Variants in ADAMTS9 observed in about 807,000 individuals in gnomAD.
The protein encoded by ADAMTS9 is ADAM metallopeptidase with thrombospondin type 1 motif 9, also known as A disintegrin and metalloproteinase with thrombospondin motifs 9.
Under a neutral mutation model 257.1 loss-of-function variants are expected in ADAMTS9, and 107 were observed. That is an observed-to-expected ratio of 0.42 (90% CI 0.36 to 0.49). The LOEUF is 0.49. Among genes scored for constraint, ADAMTS9 ranks in the 20% least tolerant of loss-of-function variants. ADAMTS9 has a pLI of 0.03. For synonymous variants in ADAMTS9, 982 were observed against 880.9 expected (o/e 1.11, Z -2.03); for missense variants, 2,353 against 2,469.1 (o/e 0.95, Z 1.00).
rs146730176 is a variant in ADAMTS9, at chr3:64,552,523, A to G, written c.4699-1461T>C. The stretch of plus-strand genomic sequence containing the variant: ...TACCCTGTTGGCAACGGGCTTATCT[A>G]ACAACTGTGATTTTTGTTGTGTGGT... On this transcript the variant is annotated intron_variant, in intron 30 of 39. Transcript: ENST00000498707. Among the ~76,000 whole-genome samples, 8 of 151,996 alleles carry G rather than the reference A, an allele frequency of 5.3e-5. No individual in the cohort carries two copies. The East Asian group carries it at 1.2e-3, about 22-fold the overall frequency.
chr3:64,565,202 A>G (rs1284290981), intron 29 of ADAMTS9, among the ~76,000 whole-genome samples: 1 of 152,242 alleles, frequency 6.6e-6, no homozygotes, highest in African/African-American at 2.4e-5. Context: ...CATTTGCCAC[A>G]TTTCTCCATT....
In ADAMTS9 at chr3:64,518,404, T is replaced by C. The variant is rs77975864; in HGVS notation, c.*6-1283A>G. On this transcript the variant is annotated intron_variant, in intron 39 of 39. Transcript: ENST00000498707. ...TGAGGGAAGATGCAGGTGGGTCACA[T>C]GAATTGGTTGAGCTCATTCCTTGCA... is the stretch of plus-strand genomic sequence containing the variant. 4.2e-3 allele frequency among the ~76,000 whole-genome samples: 634 copies of C among 152,266 alleles called. 27 individuals are homozygous for C. The East Asian group carries it at 0.094, about 23-fold the overall frequency.
At chr3:64,576,090 T>G (rs941674733) in intron 28 of ADAMTS9, among the ~76,000 whole-genome samples, 11 of 152,170 alleles carry the variant, frequency 7.2e-5, no homozygotes, top group African/African-American at 2.7e-4. Flanking sequence ...CGTTGAAGAT[T>G]CCTTCTGTAG....
chr3:64,658,188 T>C (rs535997573), intron 4 of ADAMTS9, among the ~76,000 whole-genome samples: 18 of 152,252 alleles, frequency 1.2e-4, no homozygotes, highest in Non-Finnish European at 2.1e-4. Flanking sequence ...ACCTAACTCC[T>C]CTGAGACTCA....
At chr3:64,681,155 C>G (rs780108050) in intron 3 of ADAMTS9, 46 bp downstream of exon 3, 7 of 1,578,434 alleles carry the variant, frequency 4.4e-6, no homozygotes, top group Non-Finnish European at 4.3e-6. Flanking sequence ...TAGCAATTTA[C>G]CCATCTCAAA....
At chr3:64,684,173 G>T (rs149686190) in intron 2 of ADAMTS9, among the ~76,000 whole-genome samples, 1,527 of 152,304 alleles carry the variant, frequency 0.01, 11 homozygotes, top group Middle Eastern at 0.027. Flanking sequence ...ATGTGGATGT[G>T]AGTGAGTGCA....
chr3:64,677,126 G>A (rs940138287), intron 3 of ADAMTS9, among the ~76,000 whole-genome samples: 5 of 152,132 alleles, frequency 3.3e-5, no homozygotes, highest in African/African-American at 1.2e-4. Flanking sequence ...GGCTCCCATA[G>A]GCCTTTTGCT....
At chr3:64,641,180 G>C (rs538566233) in intron 12 of ADAMTS9, among the ~76,000 whole-genome samples, 55 of 151,744 alleles carry the variant, frequency 3.6e-4, no homozygotes, top group African/African-American at 1.3e-3. Flanking sequence ...CTACAAACTG[G>C]ATGAAAATGT....
At chr3:64,545,611 A>C (rs555099214) in intron 32 of ADAMTS9, among the ~76,000 whole-genome samples, 273 of 152,168 alleles carry the variant, frequency 1.8e-3, no homozygotes, top group Non-Finnish European at 2.8e-3. Flanking sequence ...CCTGTCATGG[A>C]GTTGGGGGCA....
chr3:64,667,918 A>G (rs1013193471), intron 3 of ADAMTS9, among the ~76,000 whole-genome samples: 6 of 152,356 alleles, frequency 3.9e-5, no homozygotes, highest in South Asian at 4.1e-4. Context: ...TAAAGTATCT[A>G]TTTGAAGTAG....
At chr3:64,577,471 T>C (rs1220144485) in intron 28 of ADAMTS9, among the ~76,000 whole-genome samples, 1 of 152,206 alleles carries the variant, frequency 6.6e-6, no homozygotes, top group Non-Finnish European at 1.5e-5. Context: ...GGATTATTTA[T>C]GAAAGCCGTC....
At chr3:64,682,279 A>G (rs189406326) in intron 2 of ADAMTS9, among the ~76,000 whole-genome samples, 1 of 152,314 alleles carries the variant, frequency 6.6e-6, no homozygotes, top group African/African-American at 2.4e-5. Context: ...TAAGATAATG[A>G]TAATTAAGTG....
At chr3:64,601,691 C>T (rs765926579) in intron 26 of ADAMTS9, among the ~76,000 whole-genome samples, 1 of 152,062 alleles carries the variant, frequency 6.6e-6, no homozygotes, top group Non-Finnish European at 1.5e-5. Context: ...TCCAGGAGGC[C>T]ATGTGATCAT....
At chr3:64,570,651 G>A (rs999389962) in intron 28 of ADAMTS9, among the ~76,000 whole-genome samples, 1 of 128,042 alleles carries the variant, frequency 7.8e-6, no homozygotes, top group Non-Finnish European at 1.5e-5. Context: ...AGCCAAGACA[G>A]CGCCACTGTA....
At chr3:64,643,522 G>A (rs778728905) in intron 11 of ADAMTS9, among the ~76,000 whole-genome samples, 75 of 135,092 alleles carry the variant, frequency 5.6e-4, no homozygotes, top group Non-Finnish European at 9.8e-4. Flanking sequence ...GTGCAATCAT[G>A]GCTCACTGCA....
chr3:64,608,922 C>T (rs2084615146), intron 22 of ADAMTS9, among the ~76,000 whole-genome samples: 1 of 151,894 alleles, frequency 6.6e-6, no homozygotes, highest in South Asian at 2.1e-4. Context: ...AAGGATAGTA[C>T]ATCATGGCCA....
chr3:64,561,442 A>AGT, intron 30 of ADAMTS9, 136 bp downstream of exon 30: 1 of 972,988 alleles, frequency 1.0e-6, no homozygotes, highest in Non-Finnish European at 1.5e-6. Context: ...CGAGTCTGAC[A>AGT]GTGAACCTTT....
At chr3:64,664,199 A>G (rs1350114128) in intron 3 of ADAMTS9, among the ~76,000 whole-genome samples, 1 of 152,166 alleles carries the variant, frequency 6.6e-6, no homozygotes, top group African/African-American at 2.4e-5. Context: ...AAAGCACTGA[A>G]AAAATGGTCT....
In ADAMTS9 at chr3:64,554,891, G is replaced by A. The variant is rs116498282; in HGVS notation, c.4699-3829C>T. 4.5e-3 allele frequency among the ~76,000 whole-genome samples: 691 copies of A among 152,352 alleles called. 2 individuals are homozygous for A. The highest frequency in any genetic ancestry group is 0.016 in the African/African-American group (664 of 41,588). ...TTCAGCCAGGTAGGTTGGCCACAGA[G>A]TGATGGTCTGAAAAGGATCATTTAA... On this transcript the variant is annotated intron_variant, in intron 30 of 39. Transcript: ENST00000498707.
Sources: allele counts gnomAD v4.1 joint callset (sites outside exome capture counted in the v4.1 genomes callset), GRCh38; gene constraint gnomAD v4.1.1; transcripts MANE v1.5; gene names NCBI Gene and HGNC (gene_info 2026-07-23, HGNC 2026-07-21).